The following EFCAB6 variants were observed in gnomAD, a reference collection of about 807,000 sequenced individuals.
EFCAB6 encodes EF-hand calcium-binding domain-containing protein 6.
EFCAB6 carries 156 observed loss-of-function variants against 169.8 expected under a neutral mutation model. The ratio of observed to expected loss-of-function variants is 0.92; its 90% CI spans 0.81 to 1.05. EFCAB6 has a LOEUF of 1.05. Ranked by LOEUF, EFCAB6 falls within the 50% of genes least tolerant of loss-of-function variation. The probability of loss-of-function intolerance (pLI) is 0.00; values close to 1 mark genes in which losing one functional copy is unlikely to be tolerated. For synonymous variants in EFCAB6, 698 were observed against 676.4 expected (o/e 1.03, Z -0.50); for missense variants, 1,800 against 1,829.1 (o/e 0.98, Z 0.29).
chr22:43,810,483 C>T (rs561683701), intron 1 of EFCAB6, among the ~76,000 whole-genome samples: 1 of 152,322 alleles, frequency 6.6e-6, no homozygotes, highest in South Asian at 2.1e-4. Flanking sequence ...TCAAACCTGT[C>T]TCAGTTGTTA....
intron 18 of EFCAB6, 35 bp downstream of exon 18, chr22:43,635,067 G>A (rs756661953): frequency 7.7e-6 from 12 of 1,551,796 alleles, no homozygotes; most frequent in South Asian, 2.2e-5. Context: ...CACCCAGGAC[G>A]CATCCCACAG....
chr22:43,673,164 A>G (rs2057567607), intron 13 of EFCAB6, among the ~76,000 whole-genome samples: 1 of 152,224 alleles, frequency 6.6e-6, no homozygotes, highest in South Asian at 2.1e-4. Context: ...CTCTACAGCA[A>G]GGAAGGCTGC....
intron 26 of EFCAB6, among the ~76,000 whole-genome samples, chr22:43,566,325 C>T (rs2049427121): frequency 6.6e-6 from 1 of 152,228 alleles, no homozygotes; most frequent in East Asian, 1.9e-4. Flanking sequence ...ACAAGGATTC[C>T]TTCTGGGCAA....
chr22:43,694,342 A>T (rs1426967503), intron 10 of EFCAB6, among the ~76,000 whole-genome samples: 3 of 152,040 alleles, frequency 2.0e-5, no homozygotes, highest in Non-Finnish European at 4.4e-5. Context: ...CCTCAAACTA[A>T]CTCCAGGCCT....
At chr22:43,539,981 A>T in intron 28 of EFCAB6, 146 bp downstream of exon 28, 1 of 806,666 alleles carries the variant, frequency 1.2e-6, no homozygotes, top group Non-Finnish European at 1.9e-6. Context: ...TGCCAGTGGG[A>T]TCCTTGCATG....
chr22:43,707,347 G>A (rs1037428347), intron 10 of EFCAB6, among the ~76,000 whole-genome samples: 10 of 152,174 alleles, frequency 6.6e-5, no homozygotes, highest in African/African-American at 2.4e-4. Flanking sequence ...GAAAAGACCA[G>A]TGAGAATGGG....
At chr22:43,714,375 G>A (rs995473115) in intron 9 of EFCAB6, among the ~76,000 whole-genome samples, 3 of 152,110 alleles carry the variant, frequency 2.0e-5, no homozygotes, top group African/African-American at 7.2e-5. Flanking sequence ...GATGATTTTA[G>A]TACTATGACA....
intron 26 of EFCAB6, among the ~76,000 whole-genome samples, chr22:43,560,040 C>A (rs1213061629): frequency 6.6e-6 from 1 of 152,042 alleles, no homozygotes; most frequent in African/African-American, 2.4e-5. Flanking sequence ...TTAAAAAATG[C>A]CTGTATAAAC....
chr22:43,616,043 T>C, intron 20 of EFCAB6, 121 bp from the exon 21 acceptor site: 1 of 711,584 alleles, frequency 1.4e-6, no homozygotes, highest in Non-Finnish European at 2.2e-6. Flanking sequence ...GTTATTTCAC[T>C]TCTGGTTTAA....
In EFCAB6 at chr22:43,669,146, T is replaced by A. The variant is rs149129600; in HGVS notation, c.1641-101A>T. On this transcript the variant is annotated intron_variant, in intron 15 of 31. Transcript: ENST00000262726. ...GTGAAGATGAAAGTAACTACAACTT[T>A]CATCCACTGCTGGTGGGAATGTAAA... 10,540 of 1,058,462 alleles carry A rather than the reference T, an allele frequency of 1.0e-2. 81 individuals carry two copies. The highest frequency in any genetic ancestry group is 0.02 in the South Asian group (850 of 42,008). 65.6% of individuals were successfully genotyped at this position (1,058,462 alleles called of 1,614,324 possible).
chr22:43,567,690 CCTCT>C lies in EFCAB6; in HGVS notation c.3420+8603_3420+8606del, dbSNP rs553955959. Among the ~76,000 whole-genome samples the C allele has an allele frequency of 3.9e-5, 6 of 152,274 alleles. No individual in the cohort carries two copies. In the South Asian group the frequency reaches 1.0e-3, roughly 26 times the overall value. On this transcript the variant is annotated intron_variant, in intron 26 of 31. Transcript: ENST00000262726. ...GTGTGACTGGGAAAGAATGTTTCTA[CCTCT>C]CTGTTTCCCCCTCTGGTACCCCAGA...
At chr22:43,691,445 A>C (rs1188207091) in intron 10 of EFCAB6, among the ~76,000 whole-genome samples, 1 of 152,160 alleles carries the variant, frequency 6.6e-6, no homozygotes. Context: ...TACATACTAA[A>C]ATAAATTTAA....
chr22:43,616,431 G>T (rs1043646673), intron 20 of EFCAB6, among the ~76,000 whole-genome samples: 7 of 152,236 alleles, frequency 4.6e-5, no homozygotes, highest in African/African-American at 1.7e-4. Flanking sequence ...GGGAGGCCAA[G>T]GCGGGTGGAT....
chr22:43,669,567 G>A (rs1292852369), intron 15 of EFCAB6, among the ~76,000 whole-genome samples: 1 of 152,182 alleles, frequency 6.6e-6, no homozygotes, highest in African/African-American at 2.4e-5. Flanking sequence ...GGAGGTGGGA[G>A]GAGGGAGTGA....
chr22:43,545,053 A>G (rs551030181), intron 27 of EFCAB6, among the ~76,000 whole-genome samples: 1 of 152,324 alleles, frequency 6.6e-6, no homozygotes, highest in South Asian at 2.1e-4. Flanking sequence ...AGGCTGAGGC[A>G]GGAGAATGGC....
At chr22:43,804,614 A>T (rs960301663) in intron 2 of EFCAB6, among the ~76,000 whole-genome samples, 1 of 152,118 alleles carries the variant, frequency 6.6e-6, no homozygotes, top group Non-Finnish European at 1.5e-5. Flanking sequence ...TTTTTAAAAA[A>T]TTAGCTGGGA....
At chr22:43,723,907 C>A (rs919000443) in intron 8 of EFCAB6, among the ~76,000 whole-genome samples, 1 of 152,030 alleles carries the variant, frequency 6.6e-6, no homozygotes, top group Non-Finnish European at 1.5e-5. Flanking sequence ...AGGGTAATTG[C>A]CAAAAACCAT....
intron 2 of EFCAB6, among the ~76,000 whole-genome samples, chr22:43,793,256 G>C (rs929628571): frequency 2.6e-5 from 4 of 152,166 alleles, no homozygotes; most frequent in African/African-American, 7.2e-5. Flanking sequence ...TACTCTTCCA[G>C]AGGGAGAATG....
chr22:43,582,916 T>C (rs2050823587), intron 24 of EFCAB6, among the ~76,000 whole-genome samples: 1 of 152,194 alleles, frequency 6.6e-6, no homozygotes, highest in South Asian at 2.1e-4. Flanking sequence ...CTTTTCCCCA[T>C]ATGACTTAGA....
Sources: allele counts gnomAD v4.1 joint callset (sites outside exome capture counted in the v4.1 genomes callset), GRCh38; gene constraint gnomAD v4.1.1; transcripts MANE v1.5; gene names NCBI Gene and HGNC (gene_info 2026-07-23, HGNC 2026-07-21).